ZNF407: variants seen among roughly 807,000 people sequenced by gnomAD.
ZNF407 encodes the protein zinc finger protein 407.
Under a neutral mutation model 131.2 loss-of-function variants are expected in ZNF407, and 17 were observed. The ratio of observed to expected loss-of-function variants is 0.13; its 90% CI spans 0.09 to 0.19. The LOEUF (loss-of-function observed/expected upper bound fraction) is 0.19, where lower values mean the gene tolerates loss of function less well. ZNF407 is among the 10% of genes least tolerant of loss of function. ZNF407 has a pLI of 1.00. For synonymous variants in ZNF407, 1,156 were observed against 1,062.0 expected (o/e 1.09, Z -1.72); for missense variants, 2,681 against 2,830.6 (o/e 0.95, Z 1.20).
intron 4 of ZNF407, among the ~76,000 whole-genome samples, chr18:74,790,107 A>G (rs17821317): frequency 0.17 from 26,105 of 152,116 alleles, 2,596 homozygotes; most frequent in Non-Finnish European, 0.23. Context: ...TTAGATTAGA[A>G]CTACCTTTAT....
intron 4 of ZNF407, among the ~76,000 whole-genome samples, chr18:74,790,541 ATTCT>A (rs978345039): frequency 1.3e-5 from 2 of 152,140 alleles, no homozygotes; most frequent in Admixed American, 6.5e-5. Flanking sequence ...ATTTTTGGCC[ATTCT>A]TTCTTTTATT....
chr18:74,885,172 T>A (rs80264398), intron 6 of ZNF407, among the ~76,000 whole-genome samples: 1 of 152,238 alleles, frequency 6.6e-6, no homozygotes, highest in African/African-American at 2.4e-5. Context: ...ATAATCATAA[T>A]AGTATCTTGG....
At chr18:74,724,771 G>A (rs520550) in intron 3 of ZNF407, among the ~76,000 whole-genome samples, 119,457 of 152,026 alleles carry the variant, frequency 0.79, 47,086 homozygotes, top group East Asian at 0.89. Flanking sequence ...ACAGTTTTTT[G>A]CCTTTATATA....
chr18:74,601,738 G>A (rs142611049), intron 1 of ZNF407, among the ~76,000 whole-genome samples: 5 of 152,118 alleles, frequency 3.3e-5, no homozygotes, highest in South Asian at 2.1e-4. Context: ...ACAGCACCAA[G>A]CCATTCAGGA....
chr18:74,940,977 G>A (rs933565463), intron 8 of ZNF407, among the ~76,000 whole-genome samples: 9 of 152,118 alleles, frequency 5.9e-5, no homozygotes, highest in Non-Finnish European at 5.9e-5. Context: ...CTTTCTAGAC[G>A]CTTACACAGA....
At chr18:74,929,870 A>G (rs192422594) in intron 8 of ZNF407, among the ~76,000 whole-genome samples, 29 of 152,334 alleles carry the variant, frequency 1.9e-4, no homozygotes, top group Middle Eastern at 3.4e-3. Flanking sequence ...GAAAATTACT[A>G]TTTCGCAAGT....
chr18:74,737,625 C>A (rs1968449021), intron 3 of ZNF407, among the ~76,000 whole-genome samples: 1 of 152,190 alleles, frequency 6.6e-6, no homozygotes, highest in Middle Eastern at 3.4e-3. Context: ...CATACGCAGA[C>A]ACACACCCTT....
intron 3 of ZNF407, among the ~76,000 whole-genome samples, chr18:74,702,670 CAGA>C (rs1967526945): frequency 6.6e-6 from 1 of 152,124 alleles, no homozygotes; most frequent in African/African-American, 2.4e-5. Flanking sequence ...GTTTATCAAT[CAGA>C]AGCAGCATAG....
chr18:74,620,516 A>G (rs1169042108), intron 1 of ZNF407, among the ~76,000 whole-genome samples: 5 of 74,614 alleles, frequency 6.7e-5, no homozygotes, highest in Admixed American at 3.3e-4. Flanking sequence ...ATTGAATTGG[A>G]TGTTTGAAAT....
chr18:74,737,374 C>T (rs1418886198), intron 3 of ZNF407, among the ~76,000 whole-genome samples: 2 of 152,186 alleles, frequency 1.3e-5, no homozygotes, highest in Non-Finnish European at 2.9e-5. Context: ...TACTATCTTA[C>T]TCTGGAGAAA....
chr18:74,848,704 C>T (rs902210748), intron 4 of ZNF407, among the ~76,000 whole-genome samples: 3 of 152,170 alleles, frequency 2.0e-5, no homozygotes, highest in African/African-American at 4.8e-5. Context: ...GTAAGGCCAG[C>T]AGCATCTTTT....
intron 4 of ZNF407, among the ~76,000 whole-genome samples, chr18:74,875,114 T>C (rs1971138088): frequency 6.6e-6 from 1 of 152,228 alleles, no homozygotes; most frequent in African/African-American, 2.4e-5. Context: ...GACTCAGAAT[T>C]TGTGTAGTTC....
At chr18:74,887,294 G>T (rs1442905402) in intron 6 of ZNF407, among the ~76,000 whole-genome samples, 1 of 152,018 alleles carries the variant, frequency 6.6e-6, no homozygotes, top group Non-Finnish European at 1.5e-5. Context: ...TAAGTCATTT[G>T]ACCAGAGGTT....
chr18:74,975,892 A>G (rs1312071355), intron 8 of ZNF407, among the ~76,000 whole-genome samples: 1 of 152,212 alleles, frequency 6.6e-6, no homozygotes, highest in African/African-American at 2.4e-5. Flanking sequence ...GTTATATTTA[A>G]TGTTCACAGA....
At chr18:74,927,774 T>C (rs1358882974) in intron 8 of ZNF407, among the ~76,000 whole-genome samples, 2 of 152,196 alleles carry the variant, frequency 1.3e-5, no homozygotes, top group African/African-American at 4.8e-5. Flanking sequence ...TTTTTTTGCA[T>C]GTATTTCAAG....
At position 74,810,355 on chromosome 18, in the gene ZNF407, CTT is replaced by C. The variant is rs35915370; in HGVS notation, c.4877+28865_4877+28866del. ...AAGCGTCAAAGGTGATGCACCTTTG[CTT>C]TTTTTTTTTTTAAATCAGTAATCTC... is the stretch of plus-strand genomic sequence containing the variant. On this transcript the variant is annotated intron_variant, in intron 4 of 8. Coordinates refer to ENST00000299687, the MANE Select transcript of ZNF407 (RefSeq NM_017757.3). Among the ~76,000 whole-genome samples the C allele has an allele frequency of 6.3e-4, 92 of 146,972 alleles. 1 individual carries two copies. The highest frequency in any genetic ancestry group is 8.0e-4 in the East Asian group (4 of 5,004).
chr18:74,873,705 T>C (rs1303295602), intron 4 of ZNF407, among the ~76,000 whole-genome samples: 2 of 151,320 alleles, frequency 1.3e-5, no homozygotes, highest in African/African-American at 4.9e-5. Flanking sequence ...GGTAAGACCC[T>C]GGCTCTTAAA....
rs561458060 is a variant in ZNF407 at position 74,919,988 on chromosome 18, G to T, written c.5250-526G>T. Among the ~76,000 whole-genome samples, 3 of 152,276 alleles carry T rather than the reference G, an allele frequency of 2.0e-5. No individual in the cohort carries two copies. The East Asian group carries it at 5.8e-4, about 29-fold the overall frequency. The stretch of plus-strand genomic sequence containing the variant: ...TGTATCATCACAGAAAACGCCACGG[G>T]ATTCACATGTTGCCCAAATACTGGA... On this transcript the variant is annotated intron_variant, in intron 7 of 8. Transcript: ENST00000299687.
chr18:74,956,976 CAACATATTTTCTTGTAGA>C (rs1429225157), intron 8 of ZNF407, among the ~76,000 whole-genome samples: 2 of 152,098 alleles, frequency 1.3e-5, no homozygotes, highest in Non-Finnish European at 2.9e-5. Context: ...TGTCAGCAGT[CAACATATTTTCTTGTAGA>C]AAAGCTACTT....
Sources: allele counts gnomAD v4.1 joint callset (sites outside exome capture counted in the v4.1 genomes callset), GRCh38; gene constraint gnomAD v4.1.1; transcripts MANE v1.5; gene names NCBI Gene and HGNC (gene_info 2026-07-23, HGNC 2026-07-21).